CA10: variants seen among roughly 807,000 people sequenced by gnomAD.
CA10 encodes carbonic anhydrase-related protein 10.
In CA10, 14 loss-of-function variants were observed where a neutral mutation model predicts 44.2. The observed-to-expected ratio is 0.32, with a 90% confidence interval of 0.21 to 0.50. CA10 has a LOEUF of 0.50. Among genes scored for constraint, CA10 ranks in the 20% least tolerant of loss-of-function variants. The pLI, the probability that CA10 is intolerant of heterozygous loss-of-function variation, is 0.99. For missense variants in CA10, 350 were observed against 409.7 expected, an observed-to-expected ratio of 0.85 and a Z score of 1.26; for synonymous variants, 159 against 141.6, an observed-to-expected ratio of 1.12 and a Z score of -0.87.
intron 4 of CA10, among the ~76,000 whole-genome samples, chr17:51,664,777 A>G (rs2143325515): frequency 6.6e-6 from 1 of 152,292 alleles, no homozygotes; most frequent in Middle Eastern, 3.4e-3. Flanking sequence ...GGGAGACCAC[A>G]ATGCGAAGTT....
At chr17:51,784,072 C>G (rs962844595) in intron 3 of CA10, among the ~76,000 whole-genome samples, 3 of 152,144 alleles carry the variant, frequency 2.0e-5, no homozygotes, top group Admixed American at 1.3e-4. Context: ...CCTGACCCCC[C>G]TTCTCTACCT....
At chr17:52,142,510 T>C (rs531322881) in intron 1 of CA10, among the ~76,000 whole-genome samples, 1 of 149,590 alleles carries the variant, frequency 6.7e-6, no homozygotes, top group African/African-American at 2.6e-5. Flanking sequence ...GATGGGGTTA[T>C]TTTTTTTGAA....
intron 3 of CA10, among the ~76,000 whole-genome samples, chr17:51,788,657 G>T (rs1906389494): frequency 6.6e-6 from 1 of 152,204 alleles, no homozygotes; most frequent in African/African-American, 2.4e-5. Flanking sequence ...CAAACCTACT[G>T]TAGAGCATTT....
At chr17:51,665,283 A>G (rs1914166433) in intron 4 of CA10, among the ~76,000 whole-genome samples, 1 of 151,814 alleles carries the variant, frequency 6.6e-6, no homozygotes, top group African/African-American at 2.4e-5. Flanking sequence ...CAGTGGATTG[A>G]CTGTAGGGGA....
chr17:51,730,360 C>A (rs1030716918), intron 4 of CA10, among the ~76,000 whole-genome samples: 1 of 152,198 alleles, frequency 6.6e-6, no homozygotes, highest in African/African-American at 2.4e-5. Flanking sequence ...GCATCAGAGA[C>A]ACTGGTCAGA....
At chr17:51,898,618 T>C (rs1228465475) in intron 3 of CA10, among the ~76,000 whole-genome samples, 1 of 152,114 alleles carries the variant, frequency 6.6e-6, no homozygotes. Context: ...AAAGTTTCAG[T>C]AGGAATGGTG....
intron 3 of CA10, among the ~76,000 whole-genome samples, chr17:51,771,893 AC>A (rs1905627745): frequency 6.6e-6 from 1 of 152,192 alleles, no homozygotes; most frequent in African/African-American, 2.4e-5. Flanking sequence ...TGGTTCCCAC[AC>A]AGGAATCTCT....
Position 51,957,375 on chromosome 17 carries a change from G to A in CA10, c.137-26243C>T, listed in dbSNP as rs113851986. On this transcript the variant is annotated intron_variant, in intron 2 of 8. Coordinates refer to ENST00000451037, the MANE Select transcript of CA10 (RefSeq NM_020178.5). ...AGGCATGGTGGTAGAACATTGGGGT[G>A]AATAAGATGATGTCTGCTCTTAAGA... 3.4e-3 allele frequency among the ~76,000 whole-genome samples: 513 copies of A among 151,962 alleles called. 2 individuals carry two copies. Among genetic ancestry groups the A allele is most frequent in the African/African-American group, 0.012 (492 of 41,468 alleles).
rs530349268 is a variant in CA10, at chr17:52,038,207, C to T, written c.136+34112G>A. On this transcript the variant is annotated intron_variant, in intron 2 of 8. Coordinates refer to ENST00000451037, the MANE Select transcript of CA10 (RefSeq NM_020178.5). ...ATAAACTGAACAACTGAGTGGGATA[C>T]AGAGAACTGAAGTTTACAGAGAGGA... 3.3e-5 allele frequency among the ~76,000 whole-genome samples: 5 copies of T among 152,228 alleles called. No individual in the cohort carries two copies. In the South Asian group the frequency reaches 1.0e-3, roughly 32 times the overall value.
intron 2 of CA10, among the ~76,000 whole-genome samples, chr17:52,048,242 G>A (rs946900531): frequency 3.9e-5 from 6 of 151,914 alleles, no homozygotes; most frequent in Non-Finnish European, 7.4e-5. Context: ...ATCACTCCAA[G>A]ATACAAATGC....
chr17:52,057,001 A>T (rs1392865983), intron 2 of CA10, among the ~76,000 whole-genome samples: 2 of 152,092 alleles, frequency 1.3e-5, no homozygotes, highest in Non-Finnish European at 2.9e-5. Flanking sequence ...GGCCTACAGT[A>T]GCTCCACCAA....
intron 4 of CA10, among the ~76,000 whole-genome samples, chr17:51,684,302 A>T (rs938998011): frequency 6.6e-6 from 1 of 152,146 alleles, no homozygotes; most frequent in African/African-American, 2.4e-5. Flanking sequence ...AGTGAAACCC[A>T]CTTTGGGCTT....
chr17:51,683,196 G>A (rs887418802), intron 4 of CA10, among the ~76,000 whole-genome samples: 2 of 152,106 alleles, frequency 1.3e-5, no homozygotes, highest in African/African-American at 2.4e-5. Flanking sequence ...AGAAATGACA[G>A]GTCCAATTAA....
intron 6 of CA10, among the ~76,000 whole-genome samples, chr17:51,643,634 A>G (rs1913192209): frequency 6.6e-6 from 1 of 152,182 alleles, no homozygotes; most frequent in Admixed American, 6.5e-5. Context: ...CACTGCATGG[A>G]TTCAAGCACA....
chr17:51,979,224 G>T (rs909223107), intron 2 of CA10, among the ~76,000 whole-genome samples: 2 of 152,048 alleles, frequency 1.3e-5, no homozygotes, highest in African/African-American at 4.8e-5. Flanking sequence ...GCCTTAATGA[G>T]AAATAAGCCT....
intron 2 of CA10, among the ~76,000 whole-genome samples, chr17:52,001,604 C>T (rs1985429246): frequency 6.6e-6 from 1 of 151,730 alleles, no homozygotes; most frequent in African/African-American, 2.4e-5. Flanking sequence ...CCCTGTCATG[C>T]CACGTAATCT....
intron 5 of CA10, among the ~76,000 whole-genome samples, chr17:51,652,909 T>A (rs977612990): frequency 6.6e-6 from 1 of 152,236 alleles, no homozygotes; most frequent in Non-Finnish European, 1.5e-5. Context: ...TTTTAATTTT[T>A]ATTTTTCTAA....
chr17:52,097,426 T>A (rs1024644369), intron 1 of CA10, among the ~76,000 whole-genome samples: 1 of 152,186 alleles, frequency 6.6e-6, no homozygotes, highest in Non-Finnish European at 1.5e-5. Context: ...ACTGTTTGAA[T>A]AATTCTGGTT....
At chr17:52,031,551 T>C (rs1986467342) in intron 2 of CA10, among the ~76,000 whole-genome samples, 2 of 152,196 alleles carry the variant, frequency 1.3e-5, no homozygotes, top group African/African-American at 4.8e-5. Flanking sequence ...TGTTCACCAA[T>C]TCACCACTGT....
Sources: gnomAD v4.1 joint callset for allele counts (sites outside exome capture counted in the v4.1 genomes callset) on GRCh38, gnomAD v4.1.1 for gene constraint, MANE v1.5 for transcripts, NCBI Gene and HGNC (gene_info 2026-07-23, HGNC 2026-07-21) for gene names.